Variants in DICER1 observed in about 807,000 individuals in gnomAD.
DICER1 encodes the protein dicer 1, ribonuclease III.
In DICER1, 43 loss-of-function variants were observed where a neutral mutation model predicts 194.1. The ratio of observed to expected loss-of-function variants is 0.22; its 90% CI spans 0.17 to 0.29. The LOEUF is 0.29. Among genes scored for constraint, DICER1 ranks in the 10% least tolerant of loss-of-function variants. DICER1 has a pLI of 1.00. For synonymous variants in DICER1, 832 were observed against 820.5 expected, an observed-to-expected ratio of 1.01 and a Z score of -0.24; for missense variants, 1,608 against 2,317.0, an observed-to-expected ratio of 0.69 and a Z score of 6.28.
chr14:95,102,871 C>T (rs1891008619), intron 21 of DICER1, among the ~76,000 whole-genome samples: 2 of 152,180 alleles, frequency 1.3e-5, no homozygotes, highest in East Asian at 1.9e-4. Flanking sequence ...CTCTTCTCCG[C>T]TCCACTCTCC....
At chr14:95,096,767 G>C in intron 22 of DICER1, 54 bp from the exon 23 acceptor site, 11 of 1,545,400 alleles carry the variant, frequency 7.1e-6, no homozygotes, top group Non-Finnish European at 9.6e-6. Flanking sequence ...GTTTTTAAAA[G>C]GGTTTGAAAC....
chr14:95,150,143 C>G (rs1243631489), intron 1 of DICER1, among the ~76,000 whole-genome samples: 1 of 152,144 alleles, frequency 6.6e-6, no homozygotes, highest in Non-Finnish European at 1.5e-5. Context: ...TGGGAAAACC[C>G]AACTCAAGAC....
intron 6 of DICER1, among the ~76,000 whole-genome samples, chr14:95,127,456 A>T (rs544020903): frequency 1.3e-5 from 2 of 152,142 alleles, no homozygotes; most frequent in African/African-American, 2.4e-5. Flanking sequence ...GAATATTTGC[A>T]TATAAAAAAT....
Position 95,089,556 on chromosome 14 carries a change from C to G in DICER1, c.*942G>C, listed in dbSNP as rs1889608815. On this transcript the variant is annotated 3_prime_UTR_variant, in exon 27 of 27. Coordinates refer to ENST00000343455, the MANE Select transcript of DICER1 (RefSeq NM_177438.3). ...CCATAAACATTTCCATCAGTGGGAA[C>G]TACCTGGCAGGAGGACTTTAGTAAA... is the stretch of plus-strand genomic sequence containing the variant. 4.3e-6 allele frequency: 1 copy of G among 231,890 alleles called. No homozygotes were observed. Among genetic ancestry groups the G allele is most frequent in the African/African-American group, 2.2e-5 (1 of 45,258 alleles). 14.4% of individuals were successfully genotyped at this position (231,890 alleles called of 1,614,324 possible). A position where few individuals can be genotyped will look rare whatever the true frequency, so the allele number is the denominator to read the frequency against.
At chr14:95,126,371 T>C (rs1893460434) in intron 7 of DICER1, among the ~76,000 whole-genome samples, 1 of 152,148 alleles carries the variant, frequency 6.6e-6, no homozygotes, top group Non-Finnish European at 1.5e-5. Context: ...GCTCCTTAAA[T>C]AGGGGAAGTC....
At position 95,157,458 on chromosome 14, in the gene DICER1, GCAGCGCCCGGCTGGCCGGCAGC is replaced by G. The variant is rs897759002; in HGVS notation, c.-296_-275del. 6.6e-5 allele frequency: 10 copies of G among 152,480 alleles called. No individual in the cohort carries two copies. Among genetic ancestry groups the G allele is most frequent in the Middle Eastern group, 3.1e-3 (1 of 320 alleles). The allele number at this position is 152,480 out of a possible 1,614,324, so 9.4% of individuals were successfully genotyped here. On this transcript the variant is annotated 5_prime_UTR_variant, in exon 1 of 27. Coordinates refer to ENST00000343455, the MANE Select transcript of DICER1 (RefSeq NM_177438.3). ...TCCCGCCGGCGCCTGCGGAGACTGC[GCAGCGCCCGGCTGGCCGGCAGC>G]CAGCGCACGGCCCGCGGCAACGGCG...
At chr14:95,137,299 GAAA>G (rs1199984301) in intron 1 of DICER1, among the ~76,000 whole-genome samples, 2 of 127,840 alleles carry the variant, frequency 1.6e-5, no homozygotes, top group African/African-American at 6.0e-5. Context: ...AAAGGCAAAA[GAAA>G]AAGGAAAAGG....
intron 11 of DICER1, 57 bp downstream of exon 11, chr14:95,115,610 T>TA: frequency 6.3e-7 from 1 of 1,578,210 alleles, no homozygotes. Context: ...TGTACAGGTT[T>TA]AGACTTAAAC....
intron 1 of DICER1, among the ~76,000 whole-genome samples, chr14:95,149,603 G>C (rs1260897400): frequency 1.3e-5 from 2 of 152,052 alleles, no homozygotes; most frequent in Non-Finnish European, 2.9e-5. Context: ...AGAGTATTAA[G>C]ATCTTTGAAA....
chr14:95,119,627 T>G (rs1016019806), intron 8 of DICER1, among the ~76,000 whole-genome samples: 1 of 151,850 alleles, frequency 6.6e-6, no homozygotes, highest in Non-Finnish European at 1.5e-5. Context: ...TTATACAAGC[T>G]GTTCACCAGC....
At chr14:95,153,598 CTTCCT>C (rs1895656862) in intron 1 of DICER1, among the ~76,000 whole-genome samples, 1 of 152,118 alleles carries the variant, frequency 6.6e-6, no homozygotes, top group Non-Finnish European at 1.5e-5. Context: ...AATTGGTATG[CTTCCT>C]TTCATTAATC....
At chr14:95,113,282 A>G in intron 11 of DICER1, 58 bp from the exon 12 acceptor site, 1 of 1,543,698 alleles carries the variant, frequency 6.5e-7, no homozygotes, top group Middle Eastern at 1.7e-4. Flanking sequence ...ATTGATATTT[A>G]TAACCTCGAG....
chr14:95,114,077 C>G (rs995503079), intron 11 of DICER1, among the ~76,000 whole-genome samples: 3 of 152,156 alleles, frequency 2.0e-5, no homozygotes, highest in African/African-American at 7.2e-5. Context: ...CAGATGTAAA[C>G]ATGAACAAAC....
Position 95,087,863 on chromosome 14 carries a change from T to C in DICER1, c.*2635A>G, listed in dbSNP as rs1889465088. The C allele has an allele frequency of 1.7e-5, 4 of 233,012 alleles. No individual in the cohort carries two copies. In the Admixed American group the frequency reaches 2.3e-4, roughly 13 times the overall value. 14.4% of individuals were successfully genotyped at this position (233,012 alleles called of 1,614,324 possible). A position where few individuals can be genotyped will look rare whatever the true frequency, so the allele number is the denominator to read the frequency against. ...TTTCCATATTACATTCGGTCTCACATTGCAATCACAGGAACACAGGGTGGC... is the reference window on the plus strand; with the variant it reads ...TTTCCATATTACATTCGGTCTCACACTGCAATCACAGGAACACAGGGTGGC... On this transcript the variant is annotated 3_prime_UTR_variant, in exon 27 of 27. Transcript: ENST00000343455.
At chr14:95,113,782 G>C (rs928584271) in intron 11 of DICER1, among the ~76,000 whole-genome samples, 2 of 152,190 alleles carry the variant, frequency 1.3e-5, no homozygotes, top group Non-Finnish European at 2.9e-5. Flanking sequence ...CCCAGAAAGG[G>C]ATGCTGGGAC....
intron 10 of DICER1, 85 bp downstream of exon 10, chr14:95,116,368 G>A (rs1892463877): frequency 6.7e-7 from 1 of 1,502,014 alleles, no homozygotes; most frequent in Non-Finnish European, 9.1e-7. Flanking sequence ...CTCATTATCT[G>A]TTCCTATGGA....
chr14:95,111,274 G>C (rs1356678516), intron 14 of DICER1, 43 bp downstream of exon 14: 1 of 1,613,300 alleles, frequency 6.2e-7, no homozygotes, highest in South Asian at 1.1e-5. Flanking sequence ...GGAAAACAAA[G>C]TCAGAAATGC....
At chr14:95,108,288 C>T (rs766533397) in intron 15 of DICER1, 36 bp downstream of exon 15, 36 of 1,584,156 alleles carry the variant, frequency 2.3e-5, no homozygotes, top group Admixed American at 1.0e-4. Flanking sequence ...CTAAGCAAGA[C>T]GTTTTTGACA....
intron 1 of DICER1, among the ~76,000 whole-genome samples, chr14:95,150,943 T>C (rs1895474807): frequency 6.6e-6 from 1 of 152,202 alleles, no homozygotes; most frequent in African/African-American, 2.4e-5. Flanking sequence ...AGCTCACTGC[T>C]ACCTCAAACT....
Sources: allele counts gnomAD v4.1 joint callset (sites outside exome capture counted in the v4.1 genomes callset), GRCh38; gene constraint gnomAD v4.1.1; transcripts MANE v1.5; gene names NCBI Gene and HGNC (gene_info 2026-07-23, HGNC 2026-07-21).